Variants in LINGO2 observed in about 807,000 individuals in gnomAD.
LINGO2 encodes leucine rich repeat and Ig domain containing 2.
Under a neutral mutation model 30.6 loss-of-function variants are expected in LINGO2, and 14 were observed. The observed-to-expected ratio is 0.46, with a 90% CI of 0.30 to 0.72. The LOEUF (loss-of-function observed/expected upper bound fraction) is 0.72. Ranked by LOEUF, LINGO2 falls within the 30% of genes least tolerant of loss-of-function variation. The pLI, the probability that LINGO2 is intolerant of heterozygous loss-of-function variation, is 0.07. For missense variants in LINGO2, 729 were observed against 751.7 expected (o/e 0.97, Z 0.35); for synonymous variants, 317 against 288.5 (o/e 1.10, Z -1.00).
At chr9:28,968,409 T>C in the LINGO2 span, among the ~76,000 whole-genome samples, 167 of 152,246 alleles carry the variant, frequency 1.1e-3, 5 homozygotes, top group East Asian at 0.021. Context: ...CAGGGCTAAA[T>C]TGCAAGCAAG....
chr9:28,825,916 T>G, the LINGO2 span, among the ~76,000 whole-genome samples: 1 of 152,182 alleles, frequency 6.6e-6, no homozygotes, highest in Admixed American at 6.6e-5. Flanking sequence ...AACAGGTAAC[T>G]GACTTCATGG....
At chr9:27,996,041 C>T (rs544610198) in intron 5 of LINGO2, among the ~76,000 whole-genome samples, 102 of 152,188 alleles carry the variant, frequency 6.7e-4, no homozygotes, top group African/African-American at 2.4e-3. Context: ...AAAAAATGCT[C>T]ACCATCATTA....
the LINGO2 span, among the ~76,000 whole-genome samples, chr9:28,877,676 C>T: frequency 1.3e-5 from 2 of 152,108 alleles, no homozygotes; most frequent in South Asian, 4.1e-4. Context: ...AGTTTGAAGT[C>T]AGGTAGCGTG....
intron 4 of LINGO2, among the ~76,000 whole-genome samples, chr9:28,173,306 C>G (rs892605242): frequency 5.3e-5 from 8 of 152,054 alleles, no homozygotes; most frequent in African/African-American, 1.2e-4. Flanking sequence ...GCAGCTCACT[C>G]TCTTTAAAAT....
chr9:28,691,189 A>G, the LINGO2 span, among the ~76,000 whole-genome samples: 1 of 152,222 alleles, frequency 6.6e-6, no homozygotes. Context: ...ATAGTTCTCA[A>G]AAGAGATTGG....
the LINGO2 span, among the ~76,000 whole-genome samples, chr9:29,079,989 G>A: frequency 6.6e-6 from 1 of 151,998 alleles, no homozygotes; most frequent in East Asian, 1.9e-4. Flanking sequence ...CAAATGACAG[G>A]AAAATGTAAG....
At chr9:28,690,264 A>G in the LINGO2 span, among the ~76,000 whole-genome samples, 1 of 152,174 alleles carries the variant, frequency 6.6e-6, no homozygotes, top group African/African-American at 2.4e-5. Flanking sequence ...ACAAACAAAC[A>G]AAAAAAGACA....
the LINGO2 span, among the ~76,000 whole-genome samples, chr9:28,758,833 C>T: frequency 1.3e-5 from 2 of 151,968 alleles, no homozygotes; most frequent in East Asian, 1.9e-4. Flanking sequence ...TATGTAATAA[C>T]GATAACTTAC....
the LINGO2 span, among the ~76,000 whole-genome samples, chr9:28,828,606 T>G: frequency 2.6e-5 from 4 of 152,088 alleles, no homozygotes; most frequent in South Asian, 8.3e-4. Context: ...CAACCTTTTT[T>G]TTTTTTCCTA....
intron 3 of LINGO2, among the ~76,000 whole-genome samples, chr9:28,314,898 T>G (rs1179221263): frequency 6.7e-6 from 1 of 149,054 alleles, no homozygotes; most frequent in African/African-American, 2.5e-5. Flanking sequence ...GGCAGGAGAA[T>G]GGCGTGAACC....
the LINGO2 span, among the ~76,000 whole-genome samples, chr9:28,802,695 A>G: frequency 7.9e-5 from 12 of 152,088 alleles, 1 homozygote; most frequent in Middle Eastern, 6.8e-3. Context: ...TTAAAAAATA[A>G]AAGATTTAAG....
the LINGO2 span, among the ~76,000 whole-genome samples, chr9:28,898,505 A>G: frequency 6.6e-6 from 1 of 152,214 alleles, no homozygotes; most frequent in African/African-American, 2.4e-5. Flanking sequence ...GTCTGTATCG[A>G]GGTTTTCCGT....
intron 1 of LINGO2, among the ~76,000 whole-genome samples, chr9:28,649,593 A>T (rs1396737105): frequency 2.0e-5 from 3 of 151,892 alleles, no homozygotes; most frequent in Non-Finnish European, 4.4e-5. Context: ...AGTTAAAAAA[A>T]TTTTAAGTTA....
At chr9:28,422,767 G>C (rs1330814456) in intron 2 of LINGO2, among the ~76,000 whole-genome samples, 1 of 152,056 alleles carries the variant, frequency 6.6e-6, no homozygotes, top group East Asian at 1.9e-4. Context: ...GATGGATGTA[G>C]CCTATGTGGC....
the LINGO2 span, among the ~76,000 whole-genome samples, chr9:28,702,263 T>C: frequency 6.6e-6 from 1 of 151,788 alleles, no homozygotes; most frequent in Non-Finnish European, 1.5e-5. Context: ...TAGAATTTTT[T>C]TTGTAGATGT....
At chr9:28,408,788 C>A (rs7467119) in intron 2 of LINGO2, among the ~76,000 whole-genome samples, 22,741 of 139,530 alleles carry the variant, frequency 0.16, 2,590 homozygotes, top group African/African-American at 0.34. Flanking sequence ...AAAAAAAAAA[C>A]AAAAAAAAAC....
At chr9:28,169,270 G>A (rs532361573) in intron 4 of LINGO2, among the ~76,000 whole-genome samples, 1 of 152,240 alleles carries the variant, frequency 6.6e-6, no homozygotes, top group East Asian at 1.9e-4. Flanking sequence ...TTCATATACT[G>A]ACTTTGTTTT....
At chr9:28,958,994 G>C in the LINGO2 span, among the ~76,000 whole-genome samples, 7 of 152,086 alleles carry the variant, frequency 4.6e-5, no homozygotes, top group African/African-American at 1.7e-4. Flanking sequence ...TAACTTTGTG[G>C]TAGAACTTGG....
At chr9:29,169,132 G>T in the LINGO2 span, among the ~76,000 whole-genome samples, 1 of 151,958 alleles carries the variant, frequency 6.6e-6, no homozygotes, top group African/African-American at 2.4e-5. Context: ...ATTTTTAGTA[G>T]AGATGGGGTT....
Sources: gnomAD v4.1 joint callset for allele counts (sites outside exome capture counted in the v4.1 genomes callset) on GRCh38, gnomAD v4.1.1 for gene constraint, MANE v1.5 for transcripts, NCBI Gene and HGNC (gene_info 2026-07-23, HGNC 2026-07-21) for gene names.